RGS22: variants seen among roughly 807,000 people sequenced by gnomAD.
The protein encoded by RGS22 is regulator of G-protein signaling 22.
RGS22 carries 148 observed loss-of-function variants against 172.9 expected under a neutral mutation model. The observed-to-expected ratio is 0.86, with a 90% CI of 0.75 to 0.98. RGS22 has a LOEUF of 0.98. RGS22 is among the 50% of genes least tolerant of loss of function. The pLI is 0.00. For missense variants in RGS22, 1,347 were observed against 1,440.8 expected, an observed-to-expected ratio of 0.93 and a Z score of 1.05; for synonymous variants, 458 against 480.2, an observed-to-expected ratio of 0.95 and a Z score of 0.60.
chr8:100,003,958 A>G lies in RGS22; in HGVS notation c.2595T>C (p.His865=). Residue 865 remains histidine, a synonymous_variant, in exon 17 of 28, where the codon CAT becomes CAC. Transcript: ENST00000360863. ...DLLNNKLEFE[H]FRQFLETHSS... The stretch of plus-strand genomic sequence containing the variant: ...AATGAGTCTCAAGAAACTGACGGAA[A>G]TGTTCAAACTCCAGTTTGTTGTTAA... 1 of 1,609,414 alleles carries G rather than the reference A, an allele frequency of 6.2e-7. No homozygotes were observed.
intron 10 of RGS22, 62 bp from the exon 11 acceptor site, chr8:100,047,658 A>C: frequency 2.8e-6 from 4 of 1,436,574 alleles, no homozygotes; most frequent in Non-Finnish European, 3.7e-6. Flanking sequence ...CTCTGCACCT[A>C]TACCTCAAAT....
intron 6 of RGS22, among the ~76,000 whole-genome samples, chr8:100,068,451 T>C (rs942276035): frequency 2.6e-5 from 4 of 152,210 alleles, no homozygotes; most frequent in Non-Finnish European, 5.9e-5. Flanking sequence ...AAATGAGTTT[T>C]TTAATCTCAG....
rs541440740 is a variant in RGS22 at position 100,063,825 on chromosome 8, A to G, written c.943T>C (p.Phe315Leu). 6.2e-7 allele frequency: 1 copy of G among 1,610,300 alleles called. No individual in the cohort carries two copies. The highest frequency in any genetic ancestry group is 1.1e-5 in the South Asian group (1 of 89,774). ...ATAAAGTATATATAGGAGCTTAAAA[A>G]TTCTTCACATGTTGAGAAATGCATT... ...LTMHFSTCEE[F>L]LSSYIYFILR... is the part of the protein sequence containing the mutation. Residue 315 changes from phenylalanine to leucine, a missense_variant, in exon 8 of 28, where the codon TTT (phenylalanine) becomes CTT (leucine). Phe to Leu is a conservative substitution (Grantham distance 22). Transcript: ENST00000360863.
chr8:100,010,341 C>G (rs1816239584), intron 14 of RGS22, among the ~76,000 whole-genome samples: 1 of 152,078 alleles, frequency 6.6e-6, no homozygotes, highest in Non-Finnish European at 1.5e-5. Context: ...CACAAATTAG[C>G]TGGGCACGGT....
chr8:100,000,152 A>G (rs1814880969), intron 18 of RGS22, among the ~76,000 whole-genome samples: 1 of 152,226 alleles, frequency 6.6e-6, no homozygotes, highest in Admixed American at 6.5e-5. Context: ...TTTTCCTGCC[A>G]TAACTCATTC....
chr8:100,036,586 C>A (rs1454768462), intron 14 of RGS22, among the ~76,000 whole-genome samples: 1 of 152,142 alleles, frequency 6.6e-6, no homozygotes, highest in African/African-American at 2.4e-5. Context: ...AATATAAAAT[C>A]AAGTTCATAG....
At chr8:100,079,885 A>G (rs1811619677) in intron 4 of RGS22, among the ~76,000 whole-genome samples, 1 of 152,184 alleles carries the variant, frequency 6.6e-6, no homozygotes, top group African/African-American at 2.4e-5. Flanking sequence ...TATTTATATG[A>G]CTCAAAACTA....
intron 3 of RGS22, 130 bp from the exon 4 acceptor site, chr8:100,080,485 C>T: frequency 1.5e-6 from 1 of 686,770 alleles, no homozygotes; most frequent in East Asian, 2.7e-5. Flanking sequence ...ATTCCCTCTT[C>T]CTTTTTAGGA....
chr8:100,026,431 C>T (rs565100117), intron 14 of RGS22, among the ~76,000 whole-genome samples: 10 of 152,296 alleles, frequency 6.6e-5, no homozygotes, highest in South Asian at 4.1e-4. Context: ...TCAGCTTTTG[C>T]GTTTTCTTTT....
chr8:100,101,499 T>G (rs1813484091), intron 2 of RGS22, among the ~76,000 whole-genome samples: 2 of 147,556 alleles, frequency 1.4e-5, no homozygotes, highest in Non-Finnish European at 3.0e-5. Flanking sequence ...TTCACTGTGT[T>G]AACCAGGATG....
Position 99,961,080 on chromosome 8 carries a change from C to A in RGS22, c.*162G>T. ...AGCCAAATTTTCTTTATTTATTTCCCACCTGGAAAATCCAGAATCAAACTT... is the reference window on the plus strand; with the variant it reads ...AGCCAAATTTTCTTTATTTATTTCCAACCTGGAAAATCCAGAATCAAACTT... On this transcript the variant is annotated 3_prime_UTR_variant, in exon 28 of 28. Transcript: ENST00000360863. 2.6e-6 allele frequency: 1 copy of A among 382,888 alleles called. No homozygotes were observed. The highest frequency in any genetic ancestry group is 2.0e-5 in the South Asian group (1 of 49,886). 23.7% of individuals were successfully genotyped at this position (382,888 alleles called of 1,614,324 possible).
Position 99,974,021 on chromosome 8 carries a change from C to T in RGS22, c.3519+3896G>A, listed in dbSNP as rs1420028576. 5.3e-5 allele frequency among the ~76,000 whole-genome samples: 8 copies of T among 152,110 alleles called. No individual in the cohort carries two copies. The South Asian group carries it at 1.7e-3, about 32-fold the overall frequency. Reference sequence around the variant, plus strand: ...AGTATAATAAAAAAATGCATATTAACAAAAGTGTAGCAAAATGGGTATTTT... The same window carrying T: ...AGTATAATAAAAAAATGCATATTAATAAAAGTGTAGCAAAATGGGTATTTT... On this transcript the variant is annotated intron_variant, in intron 23 of 27. Coordinates refer to ENST00000360863, the MANE Select transcript of RGS22 (RefSeq NM_015668.5).
chr8:100,066,093 T>C, intron 7 of RGS22, 74 bp downstream of exon 7: 1 of 1,444,668 alleles, frequency 6.9e-7, no homozygotes, highest in Admixed American at 1.8e-5. Context: ...CTAAGTACTG[T>C]ACTGTAAAAT....
intron 24 of RGS22, 61 bp from the exon 25 acceptor site, chr8:99,963,039 A>T: frequency 7.5e-7 from 1 of 1,339,480 alleles, no homozygotes; most frequent in Non-Finnish European, 1.0e-6. Flanking sequence ...TAAACTGAAG[A>T]TAAGATGTCT....
At chr8:100,005,365 A>G (rs1815581012) in intron 16 of RGS22, among the ~76,000 whole-genome samples, 1 of 152,154 alleles carries the variant, frequency 6.6e-6, no homozygotes, top group Non-Finnish European at 1.5e-5. Flanking sequence ...AGGATCGATC[A>G]TACCATACCA....
At chr8:100,046,645 A>T (rs1274187624) in intron 11 of RGS22, among the ~76,000 whole-genome samples, 1 of 149,490 alleles carries the variant, frequency 6.7e-6, no homozygotes, top group African/African-American at 2.5e-5. Flanking sequence ...AAAACTTACA[A>T]AAATAAATCT....
chr8:100,041,535 C>G (rs1403699017), intron 12 of RGS22, among the ~76,000 whole-genome samples: 2 of 151,248 alleles, frequency 1.3e-5, no homozygotes, highest in East Asian at 3.9e-4. Context: ...ACATCAAATA[C>G]TATTTTTCTT....
rs117956088 is a variant in RGS22 at position 99,988,066 on chromosome 8, T to G, written c.3019-447A>C. Among the ~76,000 whole-genome samples, 1,436 of 151,440 alleles carry G rather than the reference T, an allele frequency of 9.5e-3. 7 individuals are homozygous for G. The highest frequency in any genetic ancestry group is 0.015 in the Non-Finnish European group (986 of 67,756). The stretch of plus-strand genomic sequence containing the variant: ...GTAGTTAAACATTTAATATTTCTCA[T>G]TTTTAAGAAAAAATTATCAATTGAT... On this transcript the variant is annotated intron_variant, in intron 20 of 27. Transcript: ENST00000360863.
At chr8:100,044,056 T>C (rs773195379) in intron 11 of RGS22, among the ~76,000 whole-genome samples, 5 of 152,178 alleles carry the variant, frequency 3.3e-5, no homozygotes, top group African/African-American at 7.2e-5. Flanking sequence ...AATAGATCTA[T>C]AACAAGTAGA....
Sources: allele counts gnomAD v4.1 joint callset (sites outside exome capture counted in the v4.1 genomes callset), GRCh38; gene constraint gnomAD v4.1.1; transcripts MANE v1.5; gene names NCBI Gene and HGNC (gene_info 2026-07-23, HGNC 2026-07-21).